The following LARP1 variants were observed in gnomAD, a reference collection of about 807,000 sequenced individuals.
LARP1 encodes the protein la-related protein 1.
LARP1 carries 36 observed loss-of-function variants against 122.7 expected under a neutral mutation model. The ratio of observed to expected loss-of-function variants is 0.29; its 90% CI spans 0.22 to 0.39. LARP1 has a LOEUF of 0.39. LARP1 is among the 10% of genes least tolerant of loss of function. The probability of loss-of-function intolerance (pLI) is 1.00; values close to 1 mark genes in which losing one functional copy is unlikely to be tolerated. For missense variants in LARP1, 1,040 were observed against 1,403.6 expected, an observed-to-expected ratio of 0.74 and a Z score of 4.14; for synonymous variants, 539 against 528.7, an observed-to-expected ratio of 1.02 and a Z score of -0.27.
At chr5:154,774,765 A>T (rs1470487923) in intron 1 of LARP1, among the ~76,000 whole-genome samples, 1 of 152,074 alleles carries the variant, frequency 6.6e-6, no homozygotes, top group Non-Finnish European at 1.5e-5. Context: ...GAGATCCTAG[A>T]CTTGAAGCAG....
upstream of LARP1, among the ~76,000 whole-genome samples, chr5:154,751,546 G>T (rs190000005): frequency 1.6e-4 from 24 of 152,246 alleles, 1 homozygote; most frequent in East Asian, 4.6e-3. Context: ...TGACTATTTG[G>T]TCATTACTAA....
chr5:154,776,996 GGATACATTCCGA>G (rs1755946004), intron 1 of LARP1, among the ~76,000 whole-genome samples: 1 of 152,112 alleles, frequency 6.6e-6, no homozygotes, highest in Non-Finnish European at 1.5e-5. Flanking sequence ...CACTTAACAG[GGATACATTCCGA>G]GAAATGTGTC....
chr5:154,714,830 T>G (rs766334523), intron 1 of LARP1, among the ~76,000 whole-genome samples: 4 of 152,172 alleles, frequency 2.6e-5, no homozygotes, highest in African/African-American at 4.8e-5. Context: ...TGAGTAACAA[T>G]GTGTGTGAGC....
intron 3 of LARP1, chr5:154,791,858 C>G: frequency 2.4e-6 from 1 of 424,996 alleles, no homozygotes; most frequent in South Asian, 1.6e-5. Flanking sequence ...CCATTTTATT[C>G]AAGGGTCAGC....
At chr5:154,691,213 G>A (rs6580106) in intron 1 of LARP1, among the ~76,000 whole-genome samples, 18,271 of 146,644 alleles carry the variant, frequency 0.12, 1,286 homozygotes, top group East Asian at 0.32. Context: ...AGTGAGCCGA[G>A]ATCGCGCCAC....
intron 16 of LARP1, among the ~76,000 whole-genome samples, chr5:154,810,444 GA>G (rs1175760326): frequency 3.5e-4 from 51 of 144,608 alleles, no homozygotes; most frequent in East Asian, 6.2e-4. Context: ...TCAAAAAAAA[GA>G]AAAAAAAAAG....
intron 1 of LARP1, among the ~76,000 whole-genome samples, chr5:154,763,074 T>C (rs1754602183): frequency 7.0e-6 from 1 of 142,428 alleles, no homozygotes; most frequent in South Asian, 2.2e-4. Flanking sequence ...TTTTTTTTTC[T>C]TTTTTTGAGA....
chr5:154,785,820 C>G (rs943857632), intron 1 of LARP1, among the ~76,000 whole-genome samples: 1 of 152,178 alleles, frequency 6.6e-6, no homozygotes, highest in Admixed American at 6.5e-5. Context: ...AGTAATTCCT[C>G]TCTGCCCTGC....
chr5:154,767,744 T>C (rs1382888777), intron 1 of LARP1, among the ~76,000 whole-genome samples: 1 of 152,208 alleles, frequency 6.6e-6, no homozygotes, highest in Non-Finnish European at 1.5e-5. Context: ...ATGTATTTCC[T>C]GTTCTGCGTG....
At position 154,799,886 on chromosome 5, in the gene LARP1, C is replaced by G; in HGVS notation, c.1560C>G (p.Gly520=). Residue 520 remains glycine (G), a synonymous_variant, in exon 10 of 19, where the codon GGC becomes GGG. Coordinates refer to ENST00000518297, the MANE Select transcript of LARP1 (RefSeq NM_033551.3). ...TCCACCCTTTAGAGTCGGCACCTGG[C>G]TCTCCTCGTGCAGTCACCCCAGTGC... The part of the protein sequence containing the change: ...HYQKETESAP[G]SPRAVTPVPT... 8 of 1,613,876 alleles carry G rather than the reference C, an allele frequency of 5.0e-6. No homozygotes were observed. Among genetic ancestry groups the G allele is most frequent in the Non-Finnish European group, 6.8e-6 (8 of 1,179,826 alleles).
chr5:154,785,802 T>C (rs1041428520), intron 1 of LARP1, among the ~76,000 whole-genome samples: 3 of 152,096 alleles, frequency 2.0e-5, no homozygotes, highest in Admixed American at 2.0e-4. Context: ...ATTCCAACCA[T>C]CCCAGTTAGT....
At chr5:154,760,954 G>A (rs559064478) in intron 1 of LARP1, among the ~76,000 whole-genome samples, 12 of 152,272 alleles carry the variant, frequency 7.9e-5, no homozygotes, top group Non-Finnish European at 1.3e-4. Context: ...GGGTGATAAT[G>A]GTATTATGAT....
Position 154,808,590 on chromosome 5 carries a change from A to G in LARP1, c.2830A>G (p.Lys944Glu). 1 of 1,613,304 alleles carries G rather than the reference A, an allele frequency of 6.2e-7. No individual in the cohort carries two copies. Among genetic ancestry groups the G allele is most frequent in the South Asian group, 1.1e-5 (1 of 91,010 alleles). ...CAAGCAGCTGGCTCTGGAGGACGCC[A>G]AAGAAGGCTACAGGTGAGCAGGTTT... ...EFKQLALEDA[K>E]EGYRYGLECL... The change falls in exon 16 of 19, where the codon AAA (lysine) becomes GAA (glutamate). Residue 944 changes from lysine to glutamate, a missense_variant. Lys to Glu is a moderately conservative substitution (Grantham distance 56). Transcript: ENST00000518297.
Position 154,814,198 on chromosome 5 carries a change from C to T in LARP1, c.*102C>T, listed in dbSNP as rs992999303. 1 of 1,189,014 alleles carries T rather than the reference C, an allele frequency of 8.4e-7. No individual in the cohort carries two copies. Among genetic ancestry groups the T allele is most frequent in the African/African-American group, 1.5e-5 (1 of 66,094 alleles). 73.7% of individuals were successfully genotyped at this position (1,189,014 alleles called of 1,614,324 possible). On this transcript the variant is annotated 3_prime_UTR_variant, in exon 19 of 19. Coordinates refer to ENST00000518297, the MANE Select transcript of LARP1 (RefSeq NM_033551.3). Reference sequence around the variant, plus strand: ...GAAAGGGGACAATGAAGGGACAGGCCTGGAGTTACTAGGACAGGCCTTTGT... The same window carrying T: ...GAAAGGGGACAATGAAGGGACAGGCTTGGAGTTACTAGGACAGGCCTTTGT...
intron 1 of LARP1, among the ~76,000 whole-genome samples, chr5:154,732,197 AAAAAAAAAG>A (rs1309265858): frequency 5.3e-4 from 70 of 133,094 alleles, no homozygotes; most frequent in South Asian, 1.9e-3. Context: ...AACAAAAAAA[AAAAAAAAAG>A]AAAGGTGAAT....
At chr5:154,686,278 T>C (rs1340307775) in intron 1 of LARP1, among the ~76,000 whole-genome samples, 1 of 152,144 alleles carries the variant, frequency 6.6e-6, no homozygotes. Flanking sequence ...GTGAGGGAGA[T>C]GTCACTTCTG....
chr5:154,689,707 A>G (rs1473537429), intron 1 of LARP1, among the ~76,000 whole-genome samples: 1 of 152,140 alleles, frequency 6.6e-6, no homozygotes, highest in African/African-American at 2.4e-5. Flanking sequence ...TCAGAGATCT[A>G]ATTCTGTTCA....
chr5:154,812,852 AACTC>A lies in LARP1; in HGVS notation c.3082-1027_3082-1024del, dbSNP rs367942544. Among the ~76,000 whole-genome samples the A allele has an allele frequency of 3.4e-3, 516 of 152,134 alleles. 2 individuals carry two copies. Among genetic ancestry groups the A allele is most frequent in the African/African-American group, 0.012 (485 of 41,480 alleles). ...TTATAAGACCGTCAGATCTTGTGAGAACTCACTCACTATCACGAGAACAAGATGG... is the reference window on the plus strand; with the variant it reads ...TTATAAGACCGTCAGATCTTGTGAGAACTCACTATCACGAGAACAAGATGG... On this transcript the variant is annotated intron_variant, in intron 18 of 18. Coordinates refer to ENST00000518297, the MANE Select transcript of LARP1 (RefSeq NM_033551.3).
At chr5:154,723,241 G>A (rs1755994655) in intron 1 of LARP1, among the ~76,000 whole-genome samples, 1 of 152,252 alleles carries the variant, frequency 6.6e-6, no homozygotes, top group African/African-American at 2.4e-5. Context: ...TCTAACAGGG[G>A]TTGTCAATGC....
Sources: gnomAD v4.1 joint callset for allele counts (sites outside exome capture counted in the v4.1 genomes callset) on GRCh38, gnomAD v4.1.1 for gene constraint, MANE v1.5 for transcripts, NCBI Gene and HGNC (gene_info 2026-07-23, HGNC 2026-07-21) for gene names.